The following MDN1 variants were observed in gnomAD, a reference collection of about 807,000 sequenced individuals.
MDN1 encodes the protein midasin AAA ATPase 1.
A neutral mutation model predicts 669.2 loss-of-function variants in MDN1; 266 were observed. The ratio of observed to expected loss-of-function variants is 0.40; its 90% CI spans 0.36 to 0.44. The LOEUF (loss-of-function observed/expected upper bound fraction) is 0.44, where lower values mean the gene tolerates loss of function less well. MDN1 is among the 20% of genes least tolerant of loss of function. The pLI is 1.00. For missense variants in MDN1, 5,940 were observed against 6,754.0 expected (o/e 0.88, Z 4.22); for synonymous variants, 2,385 against 2,457.1 (o/e 0.97, Z 0.87).
In MDN1 at chr6:89,656,743, A is replaced by G. The variant is rs768615274; in HGVS notation, c.15242T>C (p.Ile5081Thr). The G allele has an allele frequency of 1.9e-6, 3 of 1,613,552 alleles. No individual in the cohort carries two copies. The highest frequency in any genetic ancestry group is 1.1e-5 in the South Asian group (1 of 90,944). Residue 5081 changes from isoleucine (I) to threonine (T), a missense_variant, in exon 91 of 102, where the codon ATT becomes ACT. By Grantham distance (89) the Ile-to-Thr change is moderately conservative. Around this residue, in one of 5 missense-constraint regions of MDN1, gnomAD observed 2,280 missense variants for 2,576.3 expected, o/e 0.88. Coordinates refer to ENST00000369393, the MANE Select transcript of MDN1 (RefSeq NM_014611.3). ...NQAEGHESNF[I>T]AQLASQKHTR... is the part of the protein sequence containing the mutation. ...GTGCTTCTGGGAGGCCAACTGGGCA[A>G]TGAAATTCGATTCATGGCCTTCTGC...
intron 87 of MDN1, 88 bp from the exon 88 acceptor site, chr6:89,661,666 TTTACAC>T: frequency 7.8e-7 from 1 of 1,275,054 alleles, no homozygotes; most frequent in Non-Finnish European, 1.1e-6. Flanking sequence ...GCTCTAAGTA[TTTACAC>T]TGTGAGAGAA....
At chr6:89,814,112 C>T (rs181630443) in intron 1 of MDN1, among the ~76,000 whole-genome samples, 1 of 151,972 alleles carries the variant, frequency 6.6e-6, no homozygotes, top group African/African-American at 2.4e-5. Flanking sequence ...CTAAGCCCCC[C>T]CAACCAACTG....
chr6:89,675,649 A>G (rs1244890325), intron 77 of MDN1, 70 bp from the exon 78 acceptor site: 1 of 1,334,932 alleles, frequency 7.5e-7, no homozygotes, highest in Non-Finnish European at 1.1e-6. Flanking sequence ...GCCTCTAGAA[A>G]GCTGTTTCTA....
chr6:89,743,860 G>C (rs1584302232), intron 29 of MDN1, 146 bp from the exon 30 acceptor site: 1 of 813,518 alleles, frequency 1.2e-6, no homozygotes, highest in East Asian at 2.5e-5. Context: ...TCAACCCCAG[G>C]CTCATGGCAC....
chr6:89,697,247 T>A (rs1584214778), intron 59 of MDN1, among the ~76,000 whole-genome samples: 1 of 152,146 alleles, frequency 6.6e-6, no homozygotes, highest in South Asian at 2.1e-4. Context: ...TCTGTTTGTA[T>A]AAAAGAAAAA....
rs371823778 is a variant in MDN1 at position 89,700,053 on chromosome 6, C to T, written c.8870+10G>A. 1.9e-6 allele frequency: 3 copies of T among 1,611,142 alleles called. No individual in the cohort carries two copies. The highest frequency in any genetic ancestry group is 2.5e-6 in the Non-Finnish European group (3 of 1,177,526). On this transcript the variant is annotated intron_variant, in intron 57 of 101. Coordinates refer to ENST00000369393, the MANE Select transcript of MDN1 (RefSeq NM_014611.3). ...TTCCCGCAAGGAAAACAACTGAAAG[C>T]ATGGTTTACCTTCTGAGACAAGCTT...
intron 37 of MDN1, 78 bp downstream of exon 37, chr6:89,727,755 G>A: frequency 6.2e-7 from 1 of 1,606,064 alleles, no homozygotes; most frequent in South Asian, 1.1e-5. Flanking sequence ...GAAATGGATT[G>A]TGAAATGGAG....
At chr6:89,670,157 TATATA>T (rs1562061758) in intron 83 of MDN1, among the ~76,000 whole-genome samples, 5 of 23,892 alleles carry the variant, frequency 2.1e-4, no homozygotes, top group African/African-American at 7.1e-4. Flanking sequence ...TATATATATA[TATATA>T]TATATATATT....
At chr6:89,667,384 T>C (rs1810332340) in intron 84 of MDN1, among the ~76,000 whole-genome samples, 2 of 152,190 alleles carry the variant, frequency 1.3e-5, no homozygotes, top group African/African-American at 2.4e-5. Flanking sequence ...GGAATTTGAA[T>C]TGGTTTTCTC....
chr6:89,760,761 A>G (rs1029843304), intron 17 of MDN1, among the ~76,000 whole-genome samples: 1 of 152,234 alleles, frequency 6.6e-6, no homozygotes, highest in African/African-American at 2.4e-5. Flanking sequence ...CAAGTATTGC[A>G]TGTTCTCACT....
chr6:89,748,881 G>A (rs4706350), intron 26 of MDN1, among the ~76,000 whole-genome samples: 26,908 of 139,914 alleles, frequency 0.19, 2,449 homozygotes, highest in East Asian at 0.25. Flanking sequence ...GCAACATGGC[G>A]AAACCTTGTC....
At chr6:89,658,169 C>T (rs1439983442) in intron 90 of MDN1, 40 bp downstream of exon 90, 2 of 1,611,590 alleles carry the variant, frequency 1.2e-6, no homozygotes, top group African/African-American at 1.3e-5. Flanking sequence ...AGAGACCCTA[C>T]TAAGAGGCAG....
Position 89,772,718 on chromosome 6 carries a change from C to T in MDN1, c.1938G>A (p.Glu646=), listed in dbSNP as rs1818160303. The change falls in exon 14 of 102, where the codon GAG becomes GAA. Residue 646 remains glutamate, a synonymous_variant. Coordinates refer to ENST00000369393, the MANE Select transcript of MDN1 (RefSeq NM_014611.3). ...KQSEAVHLQR[E]KFTFAATRPS... Reference sequence around the variant, plus strand: ...GCCGTGTAGCAGCGAAAGTGAACTTCTCCCTGGGAAGGAGAAAAAAAGAGT... The same window carrying T: ...GCCGTGTAGCAGCGAAAGTGAACTTTTCCCTGGGAAGGAGAAAAAAAGAGT... The T allele has an allele frequency of 6.2e-7, 1 of 1,612,956 alleles. No individual in the cohort carries two copies. The highest frequency in any genetic ancestry group is 1.3e-5 in the African/African-American group (1 of 74,856).
chr6:89,669,138 G>A (rs1334940014), intron 83 of MDN1, among the ~76,000 whole-genome samples: 2 of 152,162 alleles, frequency 1.3e-5, no homozygotes, highest in Non-Finnish European at 2.9e-5. Context: ...GCACATATCA[G>A]AACCATTCCT....
intron 15 of MDN1, among the ~76,000 whole-genome samples, chr6:89,767,535 A>C (rs1817857132): frequency 6.6e-6 from 1 of 152,082 alleles, no homozygotes; most frequent in African/African-American, 2.4e-5. Flanking sequence ...AGGCAGGTGG[A>C]TCACCTGAGG....
At chr6:89,730,684 T>C in intron 35 of MDN1, 42 bp downstream of exon 35, 1 of 1,525,402 alleles carries the variant, frequency 6.6e-7, no homozygotes, top group African/African-American at 1.4e-5. Flanking sequence ...GTATCTATGA[T>C]CTATAGAAAA....
intron 1 of MDN1, among the ~76,000 whole-genome samples, chr6:89,813,831 C>T (rs1339388986): frequency 6.6e-6 from 1 of 151,604 alleles, no homozygotes; most frequent in Non-Finnish European, 1.5e-5. Context: ...GTAATTCCAG[C>T]ATTTTGGGTG....
At position 89,683,255 on chromosome 6, in the gene MDN1, G is replaced by A. The variant is rs766708433; in HGVS notation, c.11979C>T (p.Asp3993=). Residue 3993 remains aspartate (D), a synonymous_variant, in exon 73 of 102, where the codon GAC becomes GAT. Coordinates refer to ENST00000369393, the MANE Select transcript of MDN1 (RefSeq NM_014611.3). The part of the protein sequence containing the change: ...EPCRSSLVES[D]KEEQPDFLPR... ...GCAAAAAGTCAGGCTGTTCTTCCTT[G>A]TCACTCTCCACCAGGGATGACCGGC... 5 of 1,614,138 alleles carry A rather than the reference G, an allele frequency of 3.1e-6. No individual in the cohort carries two copies. Among genetic ancestry groups the A allele is most frequent in the Non-Finnish European group, 4.2e-6 (5 of 1,180,022 alleles).
Position 89,707,445 on chromosome 6 carries a change from C to A in MDN1, c.7930G>T (p.Val2644Phe), listed in dbSNP as rs1287500663. Residue 2644 changes from valine (V) to phenylalanine (F), a missense_variant, in exon 52 of 102, where the codon GTT becomes TTT. Val to Phe is a conservative substitution (Grantham distance 50). Around this residue, in one of 5 missense-constraint regions of MDN1, gnomAD observed 2,292 missense variants for 2,638.3 expected, o/e 0.87. Transcript: ENST00000369393. ...GAAACCAAATTTGCTTCAGTAAAAACCCGTTTTTCCCGGTCAAGATATATG... is the reference window on the plus strand; with the variant it reads ...GAAACCAAATTTGCTTCAGTAAAAAACCGTTTTTCCCGGTCAAGATATATG... ...TIIYLDREKR[V>F]FTEANLVSVG... The A allele has an allele frequency of 1.3e-5, 21 of 1,613,350 alleles. No individual in the cohort carries two copies. The highest frequency in any genetic ancestry group is 1.6e-5 in the Non-Finnish European group (19 of 1,179,464).
Sources: allele counts gnomAD v4.1 joint callset (sites outside exome capture counted in the v4.1 genomes callset), GRCh38; gene constraint gnomAD v4.1.1; regional missense constraint gnomAD v4.1.1; transcripts MANE v1.5; gene names NCBI Gene and HGNC (gene_info 2026-07-23, HGNC 2026-07-21).